The following GRM7 variants were observed in gnomAD, a reference collection of about 807,000 sequenced individuals.
The protein encoded by GRM7 is glutamate metabotropic receptor 7.
In GRM7, 35 loss-of-function variants were observed where a neutral mutation model predicts 84.5. The ratio of observed to expected loss-of-function variants is 0.41; its 90% confidence interval spans 0.32 to 0.55. GRM7 has a LOEUF of 0.55. Ranked by LOEUF, GRM7 falls within the 20% of genes least tolerant of loss-of-function variation. The pLI, the probability that GRM7 is intolerant of heterozygous loss-of-function variation, is 0.19. For synonymous variants in GRM7, 487 were observed against 455.1 expected (o/e 1.07, Z -0.89); for missense variants, 1,003 against 1,194.6 (o/e 0.84, Z 2.36).
chr3:6,864,124 A>C (rs888940998), intron 1 of GRM7, among the ~76,000 whole-genome samples: 1 of 152,186 alleles, frequency 6.6e-6, no homozygotes, highest in Admixed American at 6.5e-5. Flanking sequence ...CAGAGAAAAC[A>C]CTGTCATTTT....
chr3:6,932,699 T>A (rs1697546588), intron 1 of GRM7, among the ~76,000 whole-genome samples: 1 of 151,818 alleles, frequency 6.6e-6, no homozygotes, highest in Non-Finnish European at 1.5e-5. Context: ...TTTTTAGAAA[T>A]TGGCTGGAAT....
chr3:7,624,916 C>T (rs936102160), intron 8 of GRM7, among the ~76,000 whole-genome samples: 2 of 152,186 alleles, frequency 1.3e-5, no homozygotes, highest in Non-Finnish European at 2.9e-5. Flanking sequence ...CTGGAGGAGG[C>T]GGCATTTGAG....
chr3:7,528,368 T>C (rs2125000888), intron 7 of GRM7, among the ~76,000 whole-genome samples: 1 of 152,232 alleles, frequency 6.6e-6, no homozygotes, highest in South Asian at 2.1e-4. Context: ...TTGGTTGTAA[T>C]GTCACTTTCA....
At chr3:7,444,765 T>C (rs1697434901) in intron 5 of GRM7, among the ~76,000 whole-genome samples, 1 of 152,100 alleles carries the variant, frequency 6.6e-6, no homozygotes, top group Non-Finnish European at 1.5e-5. Flanking sequence ...TACCTGAAAA[T>C]TGAAAATGGA....
chr3:7,351,336 G>C (rs1009591489), intron 4 of GRM7, among the ~76,000 whole-genome samples: 1 of 98,878 alleles, frequency 1.0e-5, no homozygotes, highest in African/African-American at 4.0e-5. Context: ...TATTCCCACA[G>C]GCGAAAAAAA....
chr3:7,306,963 G>C (rs931662550), intron 4 of GRM7, among the ~76,000 whole-genome samples: 1 of 152,150 alleles, frequency 6.6e-6, no homozygotes, highest in African/African-American at 2.4e-5. Flanking sequence ...ACACATCCAA[G>C]TGTGTATAAG....
intron 2 of GRM7, among the ~76,000 whole-genome samples, chr3:7,159,539 G>A (rs535828679): frequency 3.5e-4 from 54 of 152,256 alleles, no homozygotes; most frequent in Non-Finnish European, 6.6e-4. Flanking sequence ...TGTTATTCCT[G>A]CTTCCCACCT....
At chr3:7,459,770 C>T (rs151256001) in intron 6 of GRM7, among the ~76,000 whole-genome samples, 73 of 152,124 alleles carry the variant, frequency 4.8e-4, no homozygotes, top group East Asian at 1.6e-3. Context: ...ACAGCCAAAC[C>T]GTATCAGGGC....
intron 2 of GRM7, among the ~76,000 whole-genome samples, chr3:7,186,889 T>A (rs945262347): frequency 6.6e-6 from 1 of 152,172 alleles, no homozygotes; most frequent in Non-Finnish European, 1.5e-5. Context: ...TAACTCCAAG[T>A]GTCTAAGACA....
intron 1 of GRM7, among the ~76,000 whole-genome samples, chr3:6,869,909 T>A (rs761956796): frequency 2.0e-5 from 3 of 152,234 alleles, no homozygotes; most frequent in South Asian, 2.1e-4. Context: ...TCCTTATCTT[T>A]GTTTTTTCCT....
intron 4 of GRM7, among the ~76,000 whole-genome samples, chr3:7,383,398 G>T (rs1024382613): frequency 2.0e-4 from 30 of 152,234 alleles, no homozygotes; most frequent in African/African-American, 6.7e-4. Context: ...TAGAAATTAA[G>T]CTTTGTGATC....
At chr3:7,565,401 G>A (rs1030390312) in intron 7 of GRM7, among the ~76,000 whole-genome samples, 2 of 152,080 alleles carry the variant, frequency 1.3e-5, no homozygotes, top group African/African-American at 4.8e-5. Flanking sequence ...TCTCATTTTT[G>A]CATAATTACA....
At chr3:6,943,451 T>C (rs558577310) in intron 1 of GRM7, among the ~76,000 whole-genome samples, 1 of 152,148 alleles carries the variant, frequency 6.6e-6, no homozygotes, top group East Asian at 1.9e-4. Flanking sequence ...AACATCTCCA[T>C]TGAATTGCCT....
chr3:7,397,448 T>C (rs367597520), intron 4 of GRM7, among the ~76,000 whole-genome samples: 1 of 152,168 alleles, frequency 6.6e-6, no homozygotes, highest in East Asian at 1.9e-4. Flanking sequence ...AATTAATGGG[T>C]ATAAAAATAC....
chr3:7,596,826 C>A (rs1696067710), intron 8 of GRM7, among the ~76,000 whole-genome samples: 1 of 151,984 alleles, frequency 6.6e-6, no homozygotes, highest in African/African-American at 2.4e-5. Flanking sequence ...TTTCGTAAAG[C>A]CCATGCACAG....
chr3:7,626,035 T>C (rs544156915), intron 8 of GRM7, among the ~76,000 whole-genome samples: 11 of 152,240 alleles, frequency 7.2e-5, no homozygotes, highest in African/African-American at 2.6e-4. Context: ...GGCATGTTCT[T>C]AGGCATCAGA....
intron 1 of GRM7, among the ~76,000 whole-genome samples, chr3:7,073,117 T>C (rs1376719962): frequency 6.6e-6 from 1 of 152,146 alleles, no homozygotes; most frequent in African/African-American, 2.4e-5. Flanking sequence ...GTTTCATTTT[T>C]TTCCTGCAAC....
intron 2 of GRM7, among the ~76,000 whole-genome samples, chr3:7,149,810 T>G (rs1437065597): frequency 6.6e-6 from 1 of 152,182 alleles, no homozygotes; most frequent in Non-Finnish European, 1.5e-5. Flanking sequence ...GGGGAAGCAT[T>G]TAATACCCAA....
chr3:6,985,296 G>A (rs979732605), intron 1 of GRM7, among the ~76,000 whole-genome samples: 1 of 152,042 alleles, frequency 6.6e-6, no homozygotes, highest in African/African-American at 2.4e-5. Flanking sequence ...GTATCAAGTA[G>A]TAGGTCTTAT....
Sources: gnomAD v4.1 joint callset for allele counts (sites outside exome capture counted in the v4.1 genomes callset) on GRCh38, gnomAD v4.1.1 for gene constraint, MANE v1.5 for transcripts, NCBI Gene and HGNC (gene_info 2026-07-23, HGNC 2026-07-21) for gene names.